Variants in ABCD3 observed in about 807,000 individuals in gnomAD.
ABCD3 encodes the protein ATP binding cassette subfamily D member 3.
In ABCD3, 41 loss-of-function variants were observed where a neutral mutation model predicts 105.5. That is an observed-to-expected ratio of 0.39 (90% CI 0.30 to 0.50). The LOEUF is 0.50. Among genes scored for constraint, ABCD3 ranks in the 20% least tolerant of loss-of-function variants. ABCD3 has a pLI of 0.84. For synonymous variants in ABCD3, 258 were observed against 269.0 expected (o/e 0.96, Z 0.40); for missense variants, 622 against 806.3 (o/e 0.77, Z 2.77).
At chr1:94,507,864 T>G (rs1195299098) in intron 21 of ABCD3, among the ~76,000 whole-genome samples, 7 of 145,602 alleles carry the variant, frequency 4.8e-5, no homozygotes, top group Non-Finnish European at 7.6e-5. Context: ...TAAATTTGTT[T>G]GAGTTCATTG....
At chr1:94,484,446 A>G (rs986250337) in intron 10 of ABCD3, among the ~76,000 whole-genome samples, 11 of 152,264 alleles carry the variant, frequency 7.2e-5, no homozygotes, top group African/African-American at 2.4e-4. Flanking sequence ...ACCATGGAAT[A>G]CTATGCAGCC....
At chr1:94,458,036 T>C (rs747754356) in intron 1 of ABCD3, among the ~76,000 whole-genome samples, 7 of 152,202 alleles carry the variant, frequency 4.6e-5, no homozygotes, top group Non-Finnish European at 7.3e-5. Flanking sequence ...CAGCTAATTA[T>C]ATTGTTTTGG....
intron 1 of ABCD3, chr1:94,419,227 G>A (rs764960736): frequency 1.1e-6 from 1 of 950,924 alleles, no homozygotes; most frequent in Non-Finnish European, 1.3e-6. Context: ...TTGGTCGGTG[G>A]CATTTCATCC....
chr1:94,447,600 A>G (rs1361871367), intron 1 of ABCD3, among the ~76,000 whole-genome samples: 1 of 152,218 alleles, frequency 6.6e-6, no homozygotes, highest in Non-Finnish European at 1.5e-5. Context: ...AATTAAACCT[A>G]TTGATAAAAA....
chr1:94,399,298 T>C, the ABCD3 span, among the ~76,000 whole-genome samples: 1 of 152,264 alleles, frequency 6.6e-6, no homozygotes, highest in African/African-American at 2.4e-5. Flanking sequence ...TGTATAAAAG[T>C]AATGCACACA....
At chr1:94,476,470 A>C (rs879327479) in intron 7 of ABCD3, among the ~76,000 whole-genome samples, 3 of 152,166 alleles carry the variant, frequency 2.0e-5, no homozygotes, top group Non-Finnish European at 2.9e-5. Context: ...GAGATGCTTC[A>C]GTTCCCACTC....
chr1:94,420,784 C>G (rs1333781943), intron 1 of ABCD3, among the ~76,000 whole-genome samples: 1 of 152,054 alleles, frequency 6.6e-6, no homozygotes, highest in Non-Finnish European at 1.5e-5. Context: ...TTTGAGTGGG[C>G]TTTTGAATAT....
chr1:94,387,550 T>G, the ABCD3 span, among the ~76,000 whole-genome samples: 3 of 152,254 alleles, frequency 2.0e-5, no homozygotes, highest in Admixed American at 6.5e-5. Flanking sequence ...ACAATTCCAT[T>G]TCTTGAACCC....
At chr1:94,478,687 A>G (rs1298885131) in intron 8 of ABCD3, 1 of 950,002 alleles carries the variant, frequency 1.1e-6, no homozygotes, top group African/African-American at 1.7e-5. Flanking sequence ...CGCTTCTTTA[A>G]AAAATAATAA....
At chr1:94,475,581 G>A (rs1373288552) in intron 6 of ABCD3, 33 bp from the exon 7 acceptor site, 1 of 1,595,618 alleles carries the variant, frequency 6.3e-7, no homozygotes, top group South Asian at 1.1e-5. Context: ...AAAGTCACTT[G>A]TTTTAAAATC....
chr1:94,409,851 A>G, the ABCD3 span, among the ~76,000 whole-genome samples: 1 of 152,140 alleles, frequency 6.6e-6, no homozygotes, highest in Admixed American at 6.6e-5. Flanking sequence ...TGAGAAGGAG[A>G]CTTGATAAGG....
intron 9 of ABCD3, chr1:94,481,992 G>A (rs1409836973): frequency 3.9e-5 from 6 of 152,172 alleles, no homozygotes; most frequent in Admixed American, 3.9e-4. Flanking sequence ...ATGTTGGATG[G>A]GCAGCCATCA....
intron 20 of ABCD3, among the ~76,000 whole-genome samples, chr1:94,501,265 G>GA (rs4148065): frequency 0.049 from 3,012 of 61,970 alleles, 71 homozygotes; most frequent in African/African-American, 0.12. Context: ...TGTCTCAAAA[G>GA]AAAAAAAAAA....
intron 1 of ABCD3, among the ~76,000 whole-genome samples, chr1:94,452,786 G>T (rs985242652): frequency 7.2e-5 from 11 of 151,936 alleles, no homozygotes; most frequent in Non-Finnish European, 5.9e-5. Context: ...TCCCAGGCTG[G>T]AGTGCAGTGG....
At chr1:94,467,837 A>G in intron 3 of ABCD3, 82 bp from the exon 4 acceptor site, 1 of 992,896 alleles carries the variant, frequency 1.0e-6, no homozygotes, top group Admixed American at 2.0e-5. Flanking sequence ...AGATTTGGAA[A>G]CCAAAAATTG....
chr1:94,442,516 C>T (rs1187339629), intron 1 of ABCD3, among the ~76,000 whole-genome samples: 2 of 152,130 alleles, frequency 1.3e-5, no homozygotes, highest in African/African-American at 2.4e-5. Flanking sequence ...GTGCAGATTT[C>T]TTACATGCAT....
At chr1:94,499,470 T>C in intron 19 of ABCD3, 25 bp from the exon 20 acceptor site, 1 of 1,609,854 alleles carries the variant, frequency 6.2e-7, no homozygotes, top group Non-Finnish European at 8.5e-7. Context: ...AAGTTTAATT[T>C]CATCTTTAAT....
At chr1:94,435,852 GAA>G (rs1659883345) in intron 1 of ABCD3, among the ~76,000 whole-genome samples, 1 of 152,272 alleles carries the variant, frequency 6.6e-6, no homozygotes, top group Admixed American at 6.5e-5. Context: ...TTGTCATTAT[GAA>G]CCTTTTGATT....
intron 1 of ABCD3, among the ~76,000 whole-genome samples, chr1:94,445,818 C>A (rs1403007822): frequency 6.6e-6 from 1 of 152,108 alleles, no homozygotes; most frequent in Non-Finnish European, 1.5e-5. Flanking sequence ...TATAGCGTTG[C>A]GGTTATTAGC....
Sources: gnomAD v4.1 joint callset for allele counts (sites outside exome capture counted in the v4.1 genomes callset) on GRCh38, gnomAD v4.1.1 for gene constraint, MANE v1.5 for transcripts, NCBI Gene and HGNC (gene_info 2026-07-23, HGNC 2026-07-21) for gene names.